ROBO1: variants seen among roughly 807,000 people sequenced by gnomAD.
ROBO1 encodes the protein roundabout guidance receptor 1.
A neutral mutation model predicts 195.9 loss-of-function variants in ROBO1; 149 were observed. That is an observed-to-expected ratio of 0.76 (90% CI 0.67 to 0.87). ROBO1 has a LOEUF of 0.87. Ranked by LOEUF, ROBO1 falls within the 40% of genes least tolerant of loss-of-function variation. The probability of loss-of-function intolerance (pLI) is 0.00; values close to 1 mark genes in which losing one functional copy is unlikely to be tolerated. For synonymous variants in ROBO1, 816 were observed against 733.2 expected, an observed-to-expected ratio of 1.11 and a Z score of -1.82; for missense variants, 1,933 against 2,068.3, an observed-to-expected ratio of 0.93 and a Z score of 1.27.
intron 4 of ROBO1, among the ~76,000 whole-genome samples, chr3:78,930,661 T>C (rs2039470765): frequency 6.6e-6 from 1 of 152,210 alleles, no homozygotes; most frequent in Admixed American, 6.5e-5. Context: ...CAACTTCTAC[T>C]ATTTAACTCT....
chr3:79,334,311 A>ATATATATATATATAT (rs1553721942), intron 2 of ROBO1, among the ~76,000 whole-genome samples: 1 of 131,752 alleles, frequency 7.6e-6, no homozygotes, highest in African/African-American at 2.9e-5. Flanking sequence ...AAAAAAAAAA[A>ATATATATATATATAT]ATATATATAT....
intron 4 of ROBO1, among the ~76,000 whole-genome samples, chr3:78,807,833 A>G (rs1237283931): frequency 6.6e-6 from 1 of 152,216 alleles, no homozygotes; most frequent in African/African-American, 2.4e-5. Context: ...GAGAGGGAAA[A>G]GCATAGGGAA....
At chr3:78,850,727 C>G (rs932495319) in intron 4 of ROBO1, among the ~76,000 whole-genome samples, 1 of 152,130 alleles carries the variant, frequency 6.6e-6, no homozygotes, top group Non-Finnish European at 1.5e-5. Flanking sequence ...AACAGAAATG[C>G]TGCTTCTTGG....
At chr3:79,726,873 G>A (rs1019188328) in intron 1 of ROBO1, among the ~76,000 whole-genome samples, 17 of 152,246 alleles carry the variant, frequency 1.1e-4, no homozygotes, top group African/African-American at 4.1e-4. Flanking sequence ...AGGGGAATGG[G>A]GGACTACTAG....
chr3:79,684,324 A>G (rs1025675128), intron 1 of ROBO1, among the ~76,000 whole-genome samples: 3 of 152,120 alleles, frequency 2.0e-5, no homozygotes, highest in Non-Finnish European at 4.4e-5. Context: ...CATAATATAC[A>G]TAAACATATA....
At chr3:78,799,919 T>C (rs920789265) in intron 4 of ROBO1, among the ~76,000 whole-genome samples, 1 of 152,170 alleles carries the variant, frequency 6.6e-6, no homozygotes, top group African/African-American at 2.4e-5. Flanking sequence ...CATATTATTA[T>C]GCCCTGTTGA....
At chr3:78,946,682 T>TA (rs1458139550) in intron 3 of ROBO1, among the ~76,000 whole-genome samples, 1 of 152,066 alleles carries the variant, frequency 6.6e-6, no homozygotes, top group Admixed American at 6.5e-5. Context: ...ATATTAACTT[T>TA]AAATGTAAAT....
intron 2 of ROBO1, among the ~76,000 whole-genome samples, chr3:79,460,535 A>G (rs2107256781): frequency 6.6e-6 from 1 of 152,320 alleles, no homozygotes; most frequent in South Asian, 2.1e-4. Flanking sequence ...ATCCTTGTCA[A>G]GAGTATTTAT....
intron 4 of ROBO1, among the ~76,000 whole-genome samples, chr3:78,905,370 G>GCTCA (rs1368918215): frequency 1.3e-5 from 2 of 152,038 alleles, no homozygotes; most frequent in African/African-American, 4.8e-5. Flanking sequence ...GGGTGCAGTG[G>GCTCA]CTCATGCCTA....
At chr3:79,499,291 G>A (rs1485143405) in intron 2 of ROBO1, among the ~76,000 whole-genome samples, 2 of 152,020 alleles carry the variant, frequency 1.3e-5, no homozygotes, top group Non-Finnish European at 2.9e-5. Context: ...CACCGCGCCC[G>A]GCCCAAAACC....
intron 3 of ROBO1, among the ~76,000 whole-genome samples, chr3:78,972,556 G>C (rs2076792382): frequency 6.6e-6 from 1 of 152,214 alleles, no homozygotes; most frequent in Non-Finnish European, 1.5e-5. Context: ...AAATTAGACA[G>C]TGGGTGGCAT....
chr3:78,610,126 A>C (rs185757898), intron 28 of ROBO1, among the ~76,000 whole-genome samples: 7 of 152,282 alleles, frequency 4.6e-5, no homozygotes, highest in African/African-American at 1.7e-4. Flanking sequence ...GTTTAGCCAA[A>C]ATGGTAGCCA....
At chr3:79,453,810 A>C (rs1359320391) in intron 2 of ROBO1, among the ~76,000 whole-genome samples, 2 of 152,134 alleles carry the variant, frequency 1.3e-5, no homozygotes, top group Non-Finnish European at 2.9e-5. Context: ...GTAGCTGTCC[A>C]AGAGACTGCA....
At chr3:79,096,624 T>C (rs1455820493) in intron 3 of ROBO1, among the ~76,000 whole-genome samples, 1 of 151,504 alleles carries the variant, frequency 6.6e-6, no homozygotes, top group Non-Finnish European at 1.5e-5. Flanking sequence ...TGTGTGTGTG[T>C]ATGTGCATGT....
chr3:78,846,262 CA>C, intron 4 of ROBO1, among the ~76,000 whole-genome samples: 1 of 152,156 alleles, frequency 6.6e-6, no homozygotes, highest in Admixed American at 6.6e-5. Context: ...ATATAAAAAA[CA>C]AAGGCTGTTC....
At chr3:79,655,224 G>A (rs956075482) in intron 1 of ROBO1, among the ~76,000 whole-genome samples, 2 of 151,978 alleles carry the variant, frequency 1.3e-5, no homozygotes, top group Admixed American at 6.6e-5. Flanking sequence ...AATGACATGA[G>A]TTTGTATAAT....
chr3:78,897,971 CCA>C (rs1181928944), intron 4 of ROBO1, among the ~76,000 whole-genome samples: 9 of 151,506 alleles, frequency 5.9e-5, no homozygotes, highest in Admixed American at 3.9e-4. Context: ...CAAAAAAAAC[CCA>C]GAGTGCTTAT....
intron 1 of ROBO1, among the ~76,000 whole-genome samples, chr3:79,678,221 C>T (rs1946842035): frequency 6.6e-6 from 1 of 151,836 alleles, no homozygotes; most frequent in East Asian, 1.9e-4. Context: ...GAAATTAGAG[C>T]ACTATGTATA....
At chr3:79,565,492 G>T (rs1223848541) in intron 2 of ROBO1, among the ~76,000 whole-genome samples, 1 of 151,990 alleles carries the variant, frequency 6.6e-6, no homozygotes, top group Non-Finnish European at 1.5e-5. Context: ...TTTTTGAGAT[G>T]ACTTTTAGGC....
Sources: allele counts gnomAD v4.1 joint callset (sites outside exome capture counted in the v4.1 genomes callset), GRCh38; gene constraint gnomAD v4.1.1; transcripts MANE v1.5; gene names NCBI Gene and HGNC (gene_info 2026-07-23, HGNC 2026-07-21).